The following BABAM2 variants were observed in gnomAD, a reference collection of about 807,000 sequenced individuals.
The protein encoded by BABAM2 is BRISC and BRCA1-A complex member 2.
In BABAM2, 31 loss-of-function variants were observed where a neutral mutation model predicts 54.7. The ratio of observed to expected loss-of-function variants is 0.57; its 90% confidence interval spans 0.43 to 0.77. The LOEUF is 0.77. Among genes scored for constraint, BABAM2 ranks in the 30% least tolerant of loss-of-function variants. The pLI, the probability that BABAM2 is intolerant of heterozygous loss-of-function variation, is 0.00. For synonymous variants in BABAM2, 167 were observed against 162.9 expected (o/e 1.03, Z -0.19); for missense variants, 364 against 455.8 (o/e 0.80, Z 1.83).
intron 3 of BABAM2, among the ~76,000 whole-genome samples, chr2:27,984,222 G>A (rs190267642): frequency 2.0e-5 from 3 of 151,984 alleles, no homozygotes; most frequent in Non-Finnish European, 2.9e-5. Context: ...TCAAAACTTT[G>A]ATATCTTTGC....
intron 5 of BABAM2, among the ~76,000 whole-genome samples, chr2:28,041,665 T>G (rs957037945): frequency 3.3e-5 from 5 of 152,192 alleles, no homozygotes; most frequent in African/African-American, 1.2e-4. Flanking sequence ...GCATCAACCC[T>G]TTTTATACTT....
intron 10 of BABAM2, among the ~76,000 whole-genome samples, chr2:28,276,944 G>T (rs1333864663): frequency 6.6e-6 from 1 of 152,092 alleles, no homozygotes; most frequent in Non-Finnish European, 1.5e-5. Flanking sequence ...GGCAGAGTGA[G>T]CCCATGTTCT....
At chr2:28,274,474 C>T (rs1468083448) in intron 10 of BABAM2, among the ~76,000 whole-genome samples, 1 of 152,122 alleles carries the variant, frequency 6.6e-6, no homozygotes, top group Non-Finnish European at 1.5e-5. Flanking sequence ...GTTGTCAGGA[C>T]CAGAATGCAG....
At chr2:28,328,472 AC>A (rs1690673580) in intron 11 of BABAM2, among the ~76,000 whole-genome samples, 1 of 152,112 alleles carries the variant, frequency 6.6e-6, no homozygotes, top group Admixed American at 6.5e-5. Flanking sequence ...GTGTCCCTGA[AC>A]CACTTCTCCT....
At chr2:28,302,125 G>GT (rs1181407112) in intron 11 of BABAM2, among the ~76,000 whole-genome samples, 3 of 152,044 alleles carry the variant, frequency 2.0e-5, no homozygotes, top group Non-Finnish European at 4.4e-5. Context: ...TTAAGATTTA[G>GT]CTGTTATGGT....
intron 6 of BABAM2, among the ~76,000 whole-genome samples, chr2:28,079,924 A>G (rs1665017021): frequency 2.0e-5 from 3 of 152,168 alleles, no homozygotes; most frequent in African/African-American, 7.2e-5. Context: ...CTATTTTAAA[A>G]ATATGTTACC....
intron 6 of BABAM2, among the ~76,000 whole-genome samples, chr2:28,092,220 A>G (rs963417252): frequency 6.6e-6 from 1 of 152,184 alleles, no homozygotes; most frequent in African/African-American, 2.4e-5. Context: ...AATCAATGCC[A>G]TAAGACGAGA....
At chr2:27,984,923 T>G (rs1050836893) in intron 3 of BABAM2, among the ~76,000 whole-genome samples, 6 of 152,264 alleles carry the variant, frequency 3.9e-5, no homozygotes, top group African/African-American at 1.4e-4. Flanking sequence ...TAGCTCCCAC[T>G]TATGTGTGAG....
At chr2:27,951,443 T>C (rs1013356567) in intron 3 of BABAM2, among the ~76,000 whole-genome samples, 3 of 152,184 alleles carry the variant, frequency 2.0e-5, no homozygotes, top group African/African-American at 4.8e-5. Context: ...GGATCTTTTA[T>C]TGAATTTGAA....
chr2:27,929,756 G>A (rs1222468651), intron 2 of BABAM2, 76 bp from the exon 3 acceptor site: 2 of 1,285,926 alleles, frequency 1.6e-6, no homozygotes, highest in Non-Finnish European at 2.2e-6. Flanking sequence ...GTTTTGTTTA[G>A]TATCATAAAC....
At chr2:27,958,450 G>T (rs1281260143) in intron 3 of BABAM2, among the ~76,000 whole-genome samples, 1 of 145,808 alleles carries the variant, frequency 6.9e-6, no homozygotes. Flanking sequence ...AATTCCACTG[G>T]CTGCTTTATA....
chr2:27,897,109 T>C (rs2148265306), intron 2 of BABAM2: 1 of 153,628 alleles, frequency 6.5e-6, no homozygotes, highest in South Asian at 2.0e-4. Flanking sequence ...TGTGGGATCA[T>C]TTGGGTAACA....
chr2:28,301,472 C>T (rs1463714570), intron 11 of BABAM2, among the ~76,000 whole-genome samples: 1 of 152,208 alleles, frequency 6.6e-6, no homozygotes, highest in African/African-American at 2.4e-5. Context: ...TGGTCTTGGG[C>T]AGAGCTCTTA....
intron 5 of BABAM2, among the ~76,000 whole-genome samples, chr2:28,031,328 T>C (rs1676277239): frequency 6.6e-6 from 1 of 152,204 alleles, no homozygotes; most frequent in Admixed American, 6.5e-5. Context: ...GACCCCGTCT[T>C]GTTAAGGGTT....
At chr2:27,946,092 CCTT>C (rs1669278043) in intron 3 of BABAM2, among the ~76,000 whole-genome samples, 1 of 152,094 alleles carries the variant, frequency 6.6e-6, no homozygotes, top group South Asian at 2.1e-4. Context: ...TGAAGTCAGA[CCTT>C]CTTGCCTTAT....
At chr2:27,926,194 G>C (rs1374129547) in intron 2 of BABAM2, among the ~76,000 whole-genome samples, 1 of 151,760 alleles carries the variant, frequency 6.6e-6, no homozygotes, top group Non-Finnish European at 1.5e-5. Context: ...CATAAAAGCT[G>C]AATGAATTGC....
chr2:28,082,727 A>G (rs1665288796), intron 6 of BABAM2, among the ~76,000 whole-genome samples: 1 of 152,148 alleles, frequency 6.6e-6, no homozygotes, highest in African/African-American at 2.4e-5. Context: ...AATTCATTCA[A>G]CTTAATAGTA....
At chr2:28,263,196 TTAA>T (rs1321270737) in intron 10 of BABAM2, among the ~76,000 whole-genome samples, 6 of 151,258 alleles carry the variant, frequency 4.0e-5, no homozygotes, top group African/African-American at 9.8e-5. Context: ...ATTATTATTA[TTAA>T]TAATAATACC....
chr2:28,259,350 T>C (rs1257048198), intron 10 of BABAM2, among the ~76,000 whole-genome samples: 1 of 152,100 alleles, frequency 6.6e-6, no homozygotes, highest in Non-Finnish European at 1.5e-5. Flanking sequence ...CCTCCCAAAG[T>C]GCTGGGATCA....
Sources: allele counts gnomAD v4.1 joint callset (sites outside exome capture counted in the v4.1 genomes callset), GRCh38; gene constraint gnomAD v4.1.1; transcripts MANE v1.5; gene names NCBI Gene and HGNC (gene_info 2026-07-23, HGNC 2026-07-21).